Variants in ENOX2 observed in about 807,000 individuals in gnomAD.
ENOX2 encodes the protein ecto-NOX disulfide-thiol exchanger 2.
In ENOX2, 36 loss-of-function variants were observed where a neutral mutation model predicts 45.0. That is an observed-to-expected ratio of 0.80 (90% CI 0.61 to 1.06). The LOEUF (loss-of-function observed/expected upper bound fraction) is 1.06, where lower values mean the gene tolerates loss of function less well. Among genes scored for constraint, ENOX2 ranks in the 50% least tolerant of loss-of-function variants. The pLI, the probability that ENOX2 is intolerant of heterozygous loss-of-function variation, is 0.00. For missense variants in ENOX2, 423 were observed against 462.5 expected, an observed-to-expected ratio of 0.91 and a Z score of 0.78; for synonymous variants, 174 against 152.3, an observed-to-expected ratio of 1.14 and a Z score of -1.05.
intron 2 of ENOX2, among the ~76,000 whole-genome samples, chrX:130,861,660 T>C (rs1386807175): frequency 9.0e-6 from 1 of 111,305 alleles, no homozygotes; most frequent in African/African-American, 3.3e-5. Flanking sequence ...AGTCAAAGGG[T>C]ACAAAGTTTT....
intron 3 of ENOX2, among the ~76,000 whole-genome samples, chrX:130,750,103 C>T (rs187137718): frequency 9.0e-6 from 1 of 110,971 alleles, no homozygotes; most frequent in East Asian, 2.9e-4. Context: ...CTCTGACCAA[C>T]GGCTTCTGAC....
chrX:130,656,669 T>C lies in ENOX2; in HGVS notation c.1041A>G (p.Glu347=), dbSNP rs1360663395. ...CTTCTTCTCGCCTGATTCCCATTAA[T>C]TCATCATTATGAATGTTGCGAATTT... ...AEEIRNIHND[E]LMGIRREEEM... The change falls in exon 10 of 15, where the codon GAA becomes GAG. Residue 347 remains glutamate, a synonymous_variant. Transcript: ENST00000394363. 1 of 1,153,271 alleles carries C rather than the reference T, an allele frequency of 8.7e-7. No individual in the cohort carries two copies. Among genetic ancestry groups the C allele is most frequent in the African/African-American group, 1.8e-5 (1 of 55,885 alleles).
At position 130,783,777 on chromosome X, in the gene ENOX2, A is replaced by G. The variant is rs182379435; in HGVS notation, c.-182-87T>C. ...TTTATTATATGAGCCACTAGTGGAA[A>G]ACCTTTTAAATCTTAAAAGCCTAGG... On this transcript the variant is annotated intron_variant, in intron 2 of 14. Coordinates refer to ENST00000394363, the MANE Select transcript of ENOX2 (RefSeq NM_006375.4). 474 of 221,896 alleles carry G rather than the reference A, an allele frequency of 2.1e-3. 2 individuals are homozygous for G. The highest frequency in any genetic ancestry group is 0.013 in the African/African-American group (450 of 33,684). The allele number at this position is 221,896 out of a possible 1,213,427, so 18.3% of individuals were successfully genotyped here.
intron 3 of ENOX2, among the ~76,000 whole-genome samples, chrX:130,705,434 G>A (rs1021327053): frequency 1.4e-4 from 16 of 112,043 alleles, no homozygotes; most frequent in Non-Finnish European, 2.8e-4. Context: ...ACACAGTATT[G>A]TTATTTTCAA....
At position 130,665,531 on chromosome X, in the gene ENOX2, T is replaced by C. The variant is rs1221707160; in HGVS notation, c.1014+112A>G. 5 of 529,137 alleles carry C rather than the reference T, an allele frequency of 9.4e-6. No individual in the cohort carries two copies. The Admixed American group carries it at 1.1e-4, about 12-fold the overall frequency. 43.6% of individuals were successfully genotyped at this position (529,137 alleles called of 1,213,427 possible). On this transcript the variant is annotated intron_variant, in intron 9 of 14. Coordinates refer to ENST00000394363, the MANE Select transcript of ENOX2 (RefSeq NM_006375.4). ...ATCTTAGTGTTTCATTAGGGCCTTA[T>C]TGTGACCATGGGAGCTTGGCACTAT... is the stretch of plus-strand genomic sequence containing the variant.
rs2035456919 is a variant in ENOX2, at chrX:130,622,704, T to C, written c.*2610A>G. Among the ~76,000 whole-genome samples, 1 of 112,363 alleles carries C rather than the reference T, an allele frequency of 8.9e-6. No homozygotes were observed. The highest frequency in any genetic ancestry group is 3.2e-5 in the African/African-American group (1 of 30,955). On this transcript the variant is annotated 3_prime_UTR_variant, in exon 15 of 15. Coordinates refer to ENST00000394363, the MANE Select transcript of ENOX2 (RefSeq NM_006375.4). ...TTGTAGGAAAAAGCAGCTTCATTAA[T>C]AGATTTCTATGATGGATGAAAAGGT...
intron 3 of ENOX2, among the ~76,000 whole-genome samples, chrX:130,752,404 C>T (rs1168193839): frequency 2.1e-5 from 2 of 95,305 alleles, no homozygotes; most frequent in African/African-American, 7.8e-5. Flanking sequence ...CACCCTATCT[C>T]TCTCCCCCAG....
intron 3 of ENOX2, among the ~76,000 whole-genome samples, chrX:130,778,628 A>G (rs888047599): frequency 8.9e-6 from 1 of 112,406 alleles, no homozygotes; most frequent in South Asian, 3.7e-4. Flanking sequence ...GAAAGAAACA[A>G]TCACCATACC....
chrX:130,772,013 C>T (rs2039752699), intron 3 of ENOX2, among the ~76,000 whole-genome samples: 1 of 112,183 alleles, frequency 8.9e-6, no homozygotes, highest in African/African-American at 3.2e-5. Context: ...GAGTAAAGTT[C>T]CTTAGCTACC....
intron 5 of ENOX2, among the ~76,000 whole-genome samples, chrX:130,683,307 G>A (rs2037358746): frequency 8.9e-6 from 1 of 111,782 alleles, no homozygotes; most frequent in Non-Finnish European, 1.9e-5. Flanking sequence ...TCTTTAAGTC[G>A]ATTTTATTAG....
At chrX:130,843,307 T>C (rs2078046257) in intron 2 of ENOX2, among the ~76,000 whole-genome samples, 1 of 110,982 alleles carries the variant, frequency 9.0e-6, no homozygotes, top group South Asian at 3.8e-4. Flanking sequence ...ACCTCCTATC[T>C]CACATGTGAA....
At chrX:130,643,247 A>G (rs1417986764) in intron 10 of ENOX2, among the ~76,000 whole-genome samples, 1 of 111,509 alleles carries the variant, frequency 9.0e-6, no homozygotes, top group African/African-American at 3.3e-5. Context: ...AATTAAAAAT[A>G]CAAAAGGCAG....
At chrX:130,869,338 T>A (rs1299967176) in intron 2 of ENOX2, among the ~76,000 whole-genome samples, 1 of 111,357 alleles carries the variant, frequency 9.0e-6, no homozygotes, top group Admixed American at 9.6e-5. Flanking sequence ...AGCTTAAAAT[T>A]CCAAAATAGT....
intron 2 of ENOX2, among the ~76,000 whole-genome samples, chrX:130,885,270 T>C (rs2078881701): frequency 9.0e-6 from 1 of 111,474 alleles, no homozygotes; most frequent in Non-Finnish European, 1.9e-5. Context: ...GGCAGCCTGA[T>C]ATCAGGGAGG....
chrX:130,753,055 G>A (rs2039265133), intron 3 of ENOX2, among the ~76,000 whole-genome samples: 1 of 111,309 alleles, frequency 9.0e-6, no homozygotes, highest in South Asian at 3.8e-4. Context: ...GGGTTTGTCT[G>A]TCCATGTGAG....
intron 2 of ENOX2, among the ~76,000 whole-genome samples, chrX:130,810,484 C>G (rs1302010638): frequency 1.8e-5 from 2 of 111,783 alleles, no homozygotes; most frequent in African/African-American, 6.5e-5. Context: ...CTGGATATAG[C>G]CTCTAGGACT....
chrX:130,640,783 A>T, intron 10 of ENOX2, among the ~76,000 whole-genome samples: 1 of 111,548 alleles, frequency 9.0e-6, no homozygotes, highest in African/African-American at 3.3e-5. Context: ...GGAGAGCATC[A>T]GGAAAAACAG....
chrX:130,672,100 T>C (rs2037004928), intron 6 of ENOX2, among the ~76,000 whole-genome samples: 1 of 111,335 alleles, frequency 9.0e-6, no homozygotes, highest in Non-Finnish European at 1.9e-5. Flanking sequence ...AGACTGGTCA[T>C]ACTAAGGAGA....
At chrX:130,872,569 A>C (rs1391021666) in intron 2 of ENOX2, among the ~76,000 whole-genome samples, 1 of 112,199 alleles carries the variant, frequency 8.9e-6, no homozygotes, top group Non-Finnish European at 1.9e-5. Context: ...GAAGGAAAGA[A>C]AAAGAAGGAA....
Sources: allele counts gnomAD v4.1 joint callset (sites outside exome capture counted in the v4.1 genomes callset), GRCh38; gene constraint gnomAD v4.1.1; transcripts MANE v1.5; gene names NCBI Gene and HGNC (gene_info 2026-07-23, HGNC 2026-07-21).